The following CTBP2 variants were observed in gnomAD, a reference collection of about 807,000 sequenced individuals.
The protein encoded by CTBP2 is C-terminal-binding protein 2.
In CTBP2, 30 loss-of-function variants were observed where a neutral mutation model predicts 80.3. The observed-to-expected ratio is 0.37, with a 90% confidence interval of 0.28 to 0.51. CTBP2 has a LOEUF of 0.51. Among genes scored for constraint, CTBP2 ranks in the 20% least tolerant of loss-of-function variants. The pLI, the probability that CTBP2 is intolerant of heterozygous loss-of-function variation, is 0.93. For synonymous variants in CTBP2, 594 were observed against 587.4 expected (o/e 1.01, Z -0.16); for missense variants, 1,212 against 1,375.3 (o/e 0.88, Z 1.88).
chr10:125,100,955 T>C (rs754264184), intron 2 of CTBP2, among the ~76,000 whole-genome samples: 47 of 152,264 alleles, frequency 3.1e-4, no homozygotes, highest in Admixed American at 1.4e-3. Flanking sequence ...TAAATTCTTC[T>C]ATCCTAATAG....
At chr10:125,055,408 G>C (rs1258220269) in intron 2 of CTBP2, among the ~76,000 whole-genome samples, 5 of 152,152 alleles carry the variant, frequency 3.3e-5, no homozygotes, top group Non-Finnish European at 5.9e-5. Flanking sequence ...GGGTGGCCCT[G>C]GATGATTTCC....
intron 1 of CTBP2, among the ~76,000 whole-genome samples, chr10:125,134,608 C>G (rs1323722156): frequency 6.6e-6 from 1 of 152,164 alleles, no homozygotes; most frequent in East Asian, 1.9e-4. Context: ...GGCTGGAGAA[C>G]CAGGCTGGCA....
intron 1 of CTBP2, among the ~76,000 whole-genome samples, chr10:125,119,490 T>G (rs1853949434): frequency 6.6e-6 from 1 of 152,368 alleles, no homozygotes; most frequent in South Asian, 2.1e-4. Context: ...TGTCAGACAC[T>G]ATCCATCTCA....
At chr10:125,129,850 G>A (rs1387520692) in intron 1 of CTBP2, among the ~76,000 whole-genome samples, 1 of 152,036 alleles carries the variant, frequency 6.6e-6, no homozygotes, top group Non-Finnish European at 1.5e-5. Context: ...ACCTCTGCCC[G>A]TGAGCTCAAG....
chr10:124,984,953 G>A lies in CTBP2; in HGVS notation c.*4565C>T, dbSNP rs182024500. The A allele has an allele frequency of 4.7e-5, 76 of 1,613,774 alleles. No individual in the cohort carries two copies. In the Admixed American group the frequency reaches 9.5e-4, roughly 20 times the overall value. On this transcript the variant is annotated 3_prime_UTR_variant, in exon 9 of 9. Transcript: ENST00000309035. The stretch of plus-strand genomic sequence containing the variant: ...GACAGATCCGGCCGTGTACATCCCT[G>A]TCTGATGGAGAGGAAGATGAGGATG...
At chr10:125,103,821 G>GA (rs1851025606) in intron 2 of CTBP2, among the ~76,000 whole-genome samples, 1 of 152,034 alleles carries the variant, frequency 6.6e-6, no homozygotes, top group Admixed American at 6.5e-5. Context: ...CTTCCCCCAG[G>GA]AAAGGGGGCA....
intron 2 of CTBP2, among the ~76,000 whole-genome samples, chr10:125,091,835 G>A (rs1400005991): frequency 6.6e-6 from 1 of 151,164 alleles, no homozygotes; most frequent in African/African-American, 2.4e-5. Context: ...AGTGGGTATG[G>A]AAAAAAAAAT....
chr10:125,138,791 C>T (rs1857350095), intron 1 of CTBP2, among the ~76,000 whole-genome samples: 1 of 152,168 alleles, frequency 6.6e-6, no homozygotes, highest in Non-Finnish European at 1.5e-5. Flanking sequence ...CACCCTGCGA[C>T]CTTGATTCTT....
chr10:125,041,241 T>G (rs904374689), intron 2 of CTBP2, among the ~76,000 whole-genome samples: 2 of 152,206 alleles, frequency 1.3e-5, no homozygotes, highest in Admixed American at 1.3e-4. Flanking sequence ...CCAACATGCC[T>G]GGCTAATTTT....
intron 4 of CTBP2, among the ~76,000 whole-genome samples, chr10:124,995,556 C>T (rs1435772859): frequency 6.6e-6 from 1 of 152,202 alleles, no homozygotes; most frequent in Admixed American, 6.5e-5. Context: ...CATTTCCGAG[C>T]AGGCAGCCTG....
chr10:124,992,903 A>G, intron 7 of CTBP2, 91 bp from the exon 10 acceptor site: 1 of 1,063,766 alleles, frequency 9.4e-7, no homozygotes. Flanking sequence ...TGGGGAAATA[A>G]GCATTTGTAA....
intron 2 of CTBP2, among the ~76,000 whole-genome samples, chr10:125,061,246 T>A (rs886129040): frequency 2.6e-5 from 4 of 152,242 alleles, no homozygotes; most frequent in African/African-American, 9.6e-5. Flanking sequence ...AGCCAAGCGC[T>A]GTAAAAATAC....
chr10:125,027,492 T>TG lies in CTBP2; in HGVS notation c.267dup (p.Thr90HisfsTer24), dbSNP rs1957762087. ...ACTGCCTGTCTGCTGTCGTAGAAGG[T>TG]GAAGTCAGGAGTAGACCCCTTTCTT... On this transcript the variant is annotated frameshift_variant, in exon 1 of 9. Coordinates refer to ENST00000309035, the MANE Select transcript of CTBP2 (RefSeq NM_022802.3). LOFTEE classifies it high-confidence loss of function. 4.3e-6 allele frequency: 7 copies of TG among 1,614,106 alleles called. No individual in the cohort carries two copies. Among genetic ancestry groups the TG allele is most frequent in the Non-Finnish European group, 5.9e-6 (7 of 1,180,024 alleles).
intron 1 of CTBP2, among the ~76,000 whole-genome samples, chr10:125,159,469 T>C (rs1258532759): frequency 6.9e-6 from 1 of 144,536 alleles, no homozygotes; most frequent in African/African-American, 2.5e-5. Context: ...GCCGCGACTT[T>C]GGCGGGCCGA....
intron 2 of CTBP2, among the ~76,000 whole-genome samples, chr10:125,110,058 A>C (rs1489031693): frequency 6.6e-6 from 1 of 152,208 alleles, no homozygotes. Flanking sequence ...CTGGGCTCCA[A>C]GTCTCTAACT....
At chr10:125,031,841 C>T (rs1958260862), upstream of CTBP2, among the ~76,000 whole-genome samples, 2 of 152,214 alleles carry the variant, frequency 1.3e-5, no homozygotes, top group African/African-American at 4.8e-5. Context: ...CAAAGGAAGT[C>T]AGGAGAGTGA....
In CTBP2 at chr10:124,986,942, GT is replaced by G. The variant is rs1479393249; in HGVS notation, c.*2575del. The stretch of plus-strand genomic sequence containing the variant: ...TCTACTGTGTGTTGTGGTCTGGTGA[GT>G]GTTGTTTCCCCTGAGCGCTCTATTA... On this transcript the variant is annotated 3_prime_UTR_variant, in exon 9 of 9. Coordinates refer to ENST00000309035, the MANE Select transcript of CTBP2 (RefSeq NM_022802.3). The G allele has an allele frequency of 6.6e-6, 1 of 152,356 alleles. No homozygotes were observed. Among genetic ancestry groups the G allele is most frequent in the African/African-American group, 2.4e-5 (1 of 41,430 alleles). The allele number at this position is 152,356 out of a possible 1,614,324, so 9.4% of individuals were successfully genotyped here. A position where few individuals can be genotyped will look rare whatever the true frequency, so the allele number is the denominator to read the frequency against.
At chr10:125,071,026 A>G (rs1399829219) in intron 2 of CTBP2, among the ~76,000 whole-genome samples, 1 of 152,254 alleles carries the variant, frequency 6.6e-6, no homozygotes, top group Non-Finnish European at 1.5e-5. Context: ...AATGCCCCGT[A>G]TGCGGTGATT....
chr10:124,986,501 G>GT lies in CTBP2; in HGVS notation c.*3016dup, dbSNP rs1307021607. 1.3e-5 allele frequency: 2 copies of GT among 152,146 alleles called. No homozygotes were observed. The highest frequency in any genetic ancestry group is 2.9e-5 in the Non-Finnish European group (2 of 68,026). 9.4% of individuals were successfully genotyped at this position (152,146 alleles called of 1,614,324 possible). A position where few individuals can be genotyped will look rare whatever the true frequency, so the allele number is the denominator to read the frequency against. The stretch of plus-strand genomic sequence containing the variant: ...TTAGTTCTTTCCCCCCGAAAACTCA[G>GT]TAAAAAGGTGTTCCCAGGATGAAAA... On this transcript the variant is annotated 3_prime_UTR_variant, in exon 9 of 9. Coordinates refer to ENST00000309035, the MANE Select transcript of CTBP2 (RefSeq NM_022802.3).
Sources: allele counts gnomAD v4.1 joint callset (sites outside exome capture counted in the v4.1 genomes callset), GRCh38; gene constraint gnomAD v4.1.1; transcripts MANE v1.5; gene names NCBI Gene and HGNC (gene_info 2026-07-23, HGNC 2026-07-21).